COMMD10: variants seen among roughly 807,000 people sequenced by gnomAD.
The protein encoded by COMMD10 is COMM domain-containing protein 10.
A neutral mutation model predicts 28.9 loss-of-function variants in COMMD10; 33 were observed. That is an observed-to-expected ratio of 1.14 (90% CI 0.87 to 1.53). COMMD10 has a LOEUF of 1.53. Ranked by LOEUF, COMMD10 falls within the 40% of genes most tolerant of loss-of-function variation. The pLI is 0.00. For synonymous variants in COMMD10, 110 were observed against 81.7 expected (o/e 1.35, Z -1.87); for missense variants, 310 against 233.4 (o/e 1.33, Z -2.14).
At chr5:116,209,694 C>T (rs886865916) in intron 5 of COMMD10, among the ~76,000 whole-genome samples, 1 of 152,060 alleles carries the variant, frequency 6.6e-6, no homozygotes, top group Non-Finnish European at 1.5e-5. Context: ...TATCTGAAGT[C>T]ATAGCGTGCT....
chr5:116,265,420 C>T (rs767379711), intron 5 of COMMD10, among the ~76,000 whole-genome samples: 19 of 151,720 alleles, frequency 1.3e-4, no homozygotes. Context: ...ATGTTACACA[C>T]TTCCCAAAAA....
chr5:116,233,424 A>C (rs1037205613), intron 5 of COMMD10, among the ~76,000 whole-genome samples: 3 of 152,164 alleles, frequency 2.0e-5, no homozygotes, highest in Non-Finnish European at 2.9e-5. Flanking sequence ...TATATCTCCC[A>C]CAGATAAGGG....
chr5:116,134,098 C>A lies in COMMD10; in HGVS notation c.430C>A (p.Gln144Lys). The change falls in exon 5 of 7, where the codon CAG (glutamine) becomes AAG (lysine). Residue 144 changes from glutamine to lysine, a missense_variant. Coordinates refer to ENST00000274458, the MANE Select transcript of COMMD10 (RefSeq NM_016144.4). ...LETVGWQLNL[Q>K]MAHSAQAKLK... ...GACCGTTGGATGGCAGCTTAACCTTCAGATGGCTCACTCTGCTCAAGCAAA... is the reference window on the plus strand; with the variant it reads ...GACCGTTGGATGGCAGCTTAACCTTAAGATGGCTCACTCTGCTCAAGCAAA... 6.2e-7 allele frequency: 1 copy of A among 1,610,542 alleles called. No individual in the cohort carries two copies. Among genetic ancestry groups the A allele is most frequent in the Non-Finnish European group, 8.5e-7 (1 of 1,176,658 alleles).
At chr5:116,191,961 A>C (rs4299764) in intron 5 of COMMD10, among the ~76,000 whole-genome samples, 148,839 of 150,820 alleles carry the variant, frequency 0.99, 73,468 homozygotes, top group East Asian at 1. Flanking sequence ...GAGAAGAGAC[A>C]CATAGATGGT....
intron 5 of COMMD10, among the ~76,000 whole-genome samples, chr5:116,179,448 T>C (rs1236476850): frequency 6.6e-6 from 1 of 152,012 alleles, no homozygotes; most frequent in Admixed American, 6.6e-5. Context: ...CATTCGTAAA[T>C]ACCCACGAGC....
intron 5 of COMMD10, among the ~76,000 whole-genome samples, chr5:116,210,948 G>C (rs1011874076): frequency 6.6e-6 from 1 of 151,944 alleles, no homozygotes; most frequent in African/African-American, 2.4e-5. Context: ...ATAGTTACAA[G>C]AACATTTACA....
At chr5:116,261,948 ACTATT>A (rs1414422676) in intron 5 of COMMD10, among the ~76,000 whole-genome samples, 1 of 151,694 alleles carries the variant, frequency 6.6e-6, no homozygotes, top group African/African-American at 2.4e-5. Context: ...TGTATCTTTG[ACTATT>A]CTAAGCACTT....
chr5:116,140,791 T>C (rs1752172955), intron 5 of COMMD10, among the ~76,000 whole-genome samples: 1 of 151,874 alleles, frequency 6.6e-6, no homozygotes, highest in Non-Finnish European at 1.5e-5. Context: ...TTATTATTAT[T>C]TTGCTATTGA....
chr5:116,121,674 C>G (rs1036453237), intron 4 of COMMD10, among the ~76,000 whole-genome samples: 3 of 152,192 alleles, frequency 2.0e-5, no homozygotes, highest in African/African-American at 7.2e-5. Flanking sequence ...GATCGCCATT[C>G]TAACTGGCAT....
At position 116,292,871 on chromosome 5, in the gene COMMD10, A is replaced by G; in HGVS notation, c.*382A>G. 2.5e-6 allele frequency: 1 copy of G among 394,612 alleles called. No homozygotes were observed. Among genetic ancestry groups the G allele is most frequent in the Non-Finnish European group, 4.5e-6 (1 of 223,826 alleles). 24.4% of individuals were successfully genotyped at this position (394,612 alleles called of 1,614,324 possible). ...TACAAGATAAGATGTGTACCTTAGT[A>G]GAATACAGAGCTTTGGTAATTACAT... On this transcript the variant is annotated 3_prime_UTR_variant, in exon 7 of 7. Transcript: ENST00000274458.
intron 5 of COMMD10, among the ~76,000 whole-genome samples, chr5:116,238,163 C>G (rs1451494147): frequency 6.6e-6 from 1 of 152,126 alleles, no homozygotes; most frequent in Non-Finnish European, 1.5e-5. Flanking sequence ...CTGGAAGAAA[C>G]AATGCTTCTC....
intron 4 of COMMD10, among the ~76,000 whole-genome samples, chr5:116,106,211 C>G (rs1750834184): frequency 6.6e-6 from 1 of 151,848 alleles, no homozygotes; most frequent in African/African-American, 2.4e-5. Context: ...TTTCTAAGAA[C>G]AACTTTATTT....
rs552174758 is a variant in COMMD10 at position 116,134,117 on chromosome 5, A to G, written c.449A>G (p.Gln150Arg). Residue 150 changes from glutamine to arginine, a missense_variant, in exon 5 of 7, where the codon CAA (glutamine) becomes CGA (arginine). Gln to Arg is a conservative substitution (Grantham distance 43). Coordinates refer to ENST00000274458, the MANE Select transcript of COMMD10 (RefSeq NM_016144.4). The stretch of plus-strand genomic sequence containing the variant: ...AACCTTCAGATGGCTCACTCTGCTC[A>G]AGCAAAACTAAAATCTCCTCAAGCT... ...QLNLQMAHSA[Q>R]AKLKSPQAVL... 10 of 1,613,098 alleles carry G rather than the reference A, an allele frequency of 6.2e-6. No homozygotes were observed. In the East Asian group the frequency reaches 1.6e-4, roughly 25 times the overall value.
intron 5 of COMMD10, among the ~76,000 whole-genome samples, chr5:116,258,871 TTTC>T (rs1479391540): frequency 6.6e-6 from 1 of 151,526 alleles, no homozygotes; most frequent in Non-Finnish European, 1.5e-5. Flanking sequence ...TAAGGGAAAT[TTTC>T]TTCTTTCATT....
chr5:116,271,938 T>A (rs1240016903), intron 5 of COMMD10, among the ~76,000 whole-genome samples: 1 of 151,856 alleles, frequency 6.6e-6, no homozygotes, highest in Non-Finnish European at 1.5e-5. Context: ...TTAGCTCAGA[T>A]CTGACATGAA....
At chr5:116,160,962 A>G (rs1752895616) in intron 5 of COMMD10, among the ~76,000 whole-genome samples, 1 of 152,062 alleles carries the variant, frequency 6.6e-6, no homozygotes, top group African/African-American at 2.4e-5. Flanking sequence ...TCTTAATTTC[A>G]GGTATTTTTT....
chr5:116,157,203 C>T (rs1157030060), intron 5 of COMMD10, among the ~76,000 whole-genome samples: 1 of 152,148 alleles, frequency 6.6e-6, no homozygotes, highest in Non-Finnish European at 1.5e-5. Flanking sequence ...TGTTTAACTC[C>T]AAAACCAATA....
chr5:116,162,716 A>G (rs924119917), intron 5 of COMMD10, among the ~76,000 whole-genome samples: 3 of 152,180 alleles, frequency 2.0e-5, no homozygotes, highest in Non-Finnish European at 4.4e-5. Context: ...GACAGTTTGT[A>G]TACTGTTTGG....
chr5:116,261,721 T>C (rs1165030922), intron 5 of COMMD10, among the ~76,000 whole-genome samples: 1 of 151,724 alleles, frequency 6.6e-6, no homozygotes, highest in Non-Finnish European at 1.5e-5. Context: ...AGAATAACTT[T>C]TAGTGGTCTA....
Sources: gnomAD v4.1 joint callset for allele counts (sites outside exome capture counted in the v4.1 genomes callset) on GRCh38, gnomAD v4.1.1 for gene constraint, MANE v1.5 for transcripts, NCBI Gene and HGNC (gene_info 2026-07-23, HGNC 2026-07-21) for gene names.